Variants in GRID2 observed in about 807,000 individuals in gnomAD.
GRID2 encodes glutamate receptor ionotropic, delta-2.
A neutral mutation model predicts 114.8 loss-of-function variants in GRID2; 33 were observed. The ratio of observed to expected loss-of-function variants is 0.29; its 90% confidence interval spans 0.22 to 0.38. The LOEUF is 0.38. Among genes scored for constraint, GRID2 ranks in the 10% least tolerant of loss-of-function variants. The probability of loss-of-function intolerance (pLI) is 1.00; values close to 1 mark genes in which losing one functional copy is unlikely to be tolerated. For missense variants in GRID2, 1,184 were observed against 1,257.7 expected, an observed-to-expected ratio of 0.94 and a Z score of 0.89; for synonymous variants, 505 against 449.9, an observed-to-expected ratio of 1.12 and a Z score of -1.55.
In GRID2 at chr4:93,258,663, T is replaced by C. The variant is rs539936113; in HGVS notation, c.1245+20173T>C. Reference sequence around the variant, plus strand: ...ATGGTGCTTATCTTGACCCAAAATATCCATAAGGTGCTAAATAGTTTGTTA... The same window carrying C: ...ATGGTGCTTATCTTGACCCAAAATACCCATAAGGTGCTAAATAGTTTGTTA... On this transcript the variant is annotated intron_variant, in intron 8 of 15. Transcript: ENST00000282020. Among the ~76,000 whole-genome samples, 13 of 151,858 alleles carry C rather than the reference T, an allele frequency of 8.6e-5. No individual in the cohort carries two copies. The East Asian group carries it at 2.5e-3, about 29-fold the overall frequency.
In GRID2 at chr4:93,769,361, C is replaced by T. The variant is rs750579861; in HGVS notation, c.2512C>T (p.Leu838=). 1 of 1,614,004 alleles carries T rather than the reference C, an allele frequency of 6.2e-7. No individual in the cohort carries two copies. Among genetic ancestry groups the T allele is most frequent in the Non-Finnish European group, 8.5e-7 (1 of 1,179,944 alleles). ...GAGCTTTGCAGGGGTCTTTTGTATCCTGGCTGCTGGAATTGTCCTCTCCTG... is the reference window on the plus strand; with the variant it reads ...GAGCTTTGCAGGGGTCTTTTGTATCTTGGCTGCTGGAATTGTCCTCTCCTG... ...IKSFAGVFCI[L]AAGIVLSCFI... The change falls in exon 15 of 16, where the codon CTG becomes TTG. Residue 838 remains leucine (L), a synonymous_variant. Coordinates refer to ENST00000282020, the MANE Select transcript of GRID2 (RefSeq NM_001510.4).
At chr4:93,001,843 C>T (rs1721020612) in intron 2 of GRID2, among the ~76,000 whole-genome samples, 1 of 151,602 alleles carries the variant, frequency 6.6e-6, no homozygotes. Context: ...ATTTTCCATG[C>T]TAGTGAATGG....
intron 1 of GRID2, among the ~76,000 whole-genome samples, chr4:92,366,638 A>G (rs550542494): frequency 1.3e-5 from 2 of 152,038 alleles, no homozygotes; most frequent in Non-Finnish European, 2.9e-5. Flanking sequence ...TTTATAAGCT[A>G]CATAAGAAAT....
In GRID2 at chr4:92,493,715, T is replaced by C. The variant is rs1277578154; in HGVS notation, c.89-96416T>C. Among the ~76,000 whole-genome samples, 3 of 152,208 alleles carry C rather than the reference T, an allele frequency of 2.0e-5. No individual in the cohort carries two copies. The East Asian group carries it at 5.8e-4, about 29-fold the overall frequency. ...AAGCGTGATTGCCATGGCTAAACGC[T>C]CATATTTTTGAAATCTAGACTTTTC... On this transcript the variant is annotated intron_variant, in intron 1 of 15. Coordinates refer to ENST00000282020, the MANE Select transcript of GRID2 (RefSeq NM_001510.4).
At chr4:92,435,980 A>G (rs1732717349) in intron 1 of GRID2, among the ~76,000 whole-genome samples, 1 of 152,054 alleles carries the variant, frequency 6.6e-6, no homozygotes, top group Non-Finnish European at 1.5e-5. Context: ...AGTTTTAGAG[A>G]CTGGAATTGG....
At chr4:92,442,780 AAG>A (rs1733183106) in intron 1 of GRID2, among the ~76,000 whole-genome samples, 1 of 152,174 alleles carries the variant, frequency 6.6e-6, no homozygotes, top group South Asian at 2.1e-4. Flanking sequence ...TTTGATGAAA[AAG>A]AGCCTAAACG....
chr4:93,523,970 C>A (rs1730588603), intron 13 of GRID2, among the ~76,000 whole-genome samples: 1 of 151,960 alleles, frequency 6.6e-6, no homozygotes. Context: ...TGTTCCATTC[C>A]CCTTCCTCCT....
chr4:92,362,453 A>T (rs962255800), intron 1 of GRID2, among the ~76,000 whole-genome samples: 1 of 152,022 alleles, frequency 6.6e-6, no homozygotes, highest in Non-Finnish European at 1.5e-5. Flanking sequence ...ATTATTTTGA[A>T]ATACTGCAGA....
chr4:92,424,347 G>T (rs914922825), intron 1 of GRID2, among the ~76,000 whole-genome samples: 1 of 151,910 alleles, frequency 6.6e-6, no homozygotes, highest in East Asian at 1.9e-4. Flanking sequence ...ATATTCCTTG[G>T]GATGTTAAAC....
At chr4:92,877,585 A>G (rs1745723906) in intron 2 of GRID2, among the ~76,000 whole-genome samples, 1 of 152,220 alleles carries the variant, frequency 6.6e-6, no homozygotes, top group East Asian at 1.9e-4. Flanking sequence ...CCAGGTCAGC[A>G]TCAGCCCAAA....
intron 9 of GRID2, among the ~76,000 whole-genome samples, chr4:93,410,622 T>C (rs527245768): frequency 1.3e-5 from 2 of 152,306 alleles, no homozygotes; most frequent in African/African-American, 4.8e-5. Flanking sequence ...TCACTCTTGT[T>C]GCCCCAACTG....
At chr4:93,329,166 GA>G (rs528180965) in intron 8 of GRID2, among the ~76,000 whole-genome samples, 5 of 152,084 alleles carry the variant, frequency 3.3e-5, no homozygotes, top group Non-Finnish European at 7.4e-5. Flanking sequence ...TTTCAAGAAG[GA>G]AGAACTAGTC....
intron 2 of GRID2, among the ~76,000 whole-genome samples, chr4:92,615,209 G>A (rs952852758): frequency 6.6e-6 from 1 of 151,412 alleles, no homozygotes; most frequent in East Asian, 1.9e-4. Context: ...GATACATACC[G>A]AGGTGGGGTG....
intron 8 of GRID2, among the ~76,000 whole-genome samples, chr4:93,300,134 G>C (rs1265195869): frequency 4.4e-4 from 67 of 151,956 alleles, no homozygotes; most frequent in Non-Finnish European, 1.3e-4. Context: ...TGTGTGTGAT[G>C]GGGTCTCCTT....
At chr4:92,724,547 C>A (rs1330945985) in intron 2 of GRID2, among the ~76,000 whole-genome samples, 1 of 152,172 alleles carries the variant, frequency 6.6e-6, no homozygotes, top group Admixed American at 6.6e-5. Flanking sequence ...CGTGAACTAA[C>A]CAAATGTAAA....
intron 8 of GRID2, among the ~76,000 whole-genome samples, chr4:93,304,128 TATCA>T (rs1376677239): frequency 6.6e-6 from 1 of 151,256 alleles, no homozygotes; most frequent in Admixed American, 6.6e-5. Flanking sequence ...AAGAAATACA[TATCA>T]ATTACACTGA....
chr4:92,366,365 A>G lies in GRID2; in HGVS notation c.88+61621A>G, dbSNP rs150598306. ...GAGCTAGAAAACATTTGACAAACTA[A>G]AAACAAAATTATCTAAACCTATTTT... On this transcript the variant is annotated intron_variant, in intron 1 of 15. Coordinates refer to ENST00000282020, the MANE Select transcript of GRID2 (RefSeq NM_001510.4). Among the ~76,000 whole-genome samples the G allele has an allele frequency of 1.3e-3, 204 of 152,108 alleles. 2 individuals are homozygous for G. Among genetic ancestry groups the G allele is most frequent in the Middle Eastern group, 6.8e-3 (2 of 294 alleles).
intron 4 of GRID2, among the ~76,000 whole-genome samples, chr4:93,156,729 G>A (rs978793590): frequency 1.3e-5 from 2 of 151,670 alleles, no homozygotes; most frequent in Non-Finnish European, 3.0e-5. Flanking sequence ...GGGATGCACG[G>A]GAGGGATCCA....
At chr4:93,645,170 G>T (rs17020913) in intron 14 of GRID2, among the ~76,000 whole-genome samples, 20,575 of 152,166 alleles carry the variant, frequency 0.14, 1,795 homozygotes, top group Non-Finnish European at 0.19. Flanking sequence ...TTAGTGTTGA[G>T]CATCAAATGG....
Sources: gnomAD v4.1 joint callset for allele counts (sites outside exome capture counted in the v4.1 genomes callset) on GRCh38, gnomAD v4.1.1 for gene constraint, MANE v1.5 for transcripts, NCBI Gene and HGNC (gene_info 2026-07-23, HGNC 2026-07-21) for gene names.